MAP3K2: variants seen among roughly 807,000 people sequenced by gnomAD.
The protein encoded by MAP3K2 is MAP/ERK kinase kinase 2.
MAP3K2 carries 24 observed loss-of-function variants against 80.3 expected under a neutral mutation model. That is an observed-to-expected ratio of 0.30 (90% CI 0.22 to 0.42). The LOEUF (loss-of-function observed/expected upper bound fraction) is 0.42. Among genes scored for constraint, MAP3K2 ranks in the 10% least tolerant of loss-of-function variants. The probability of loss-of-function intolerance (pLI) is 1.00; values close to 1 mark genes in which losing one functional copy is unlikely to be tolerated. For missense variants in MAP3K2, 608 were observed against 750.1 expected, an observed-to-expected ratio of 0.81 and a Z score of 2.21; for synonymous variants, 244 against 253.7, an observed-to-expected ratio of 0.96 and a Z score of 0.36.
chr2:127,345,387 A>T (rs1266335789), intron 1 of MAP3K2, among the ~76,000 whole-genome samples: 1 of 152,244 alleles, frequency 6.6e-6, no homozygotes, highest in Non-Finnish European at 1.5e-5. Context: ...AATGCAAAAA[A>T]GTATAAAATT....
At position 127,339,161 on chromosome 2, in the gene MAP3K2, T is replaced by C; in HGVS notation, c.5-111A>G. The C allele has an allele frequency of 1.5e-6, 1 of 664,468 alleles. No homozygotes were observed. Among genetic ancestry groups the C allele is most frequent in the South Asian group, 2.2e-5 (1 of 45,332 alleles). 41.2% of individuals were successfully genotyped at this position (664,468 alleles called of 1,614,324 possible). On this transcript the variant is annotated intron_variant, in intron 2 of 16. Coordinates refer to ENST00000682094, the MANE Select transcript of MAP3K2 (RefSeq NM_001371910.2). The surrounding 1 kb of genome is among the most constrained non-coding windows in gnomAD (Gnocchi z 4.2). ...AATAAAATTTGATGTAGAGAATGTA[T>C]TAATGCAAAAATGCATCTAGAACAT...
At chr2:127,388,224 T>A, upstream of MAP3K2, 1 of 984,762 alleles carries the variant, frequency 1.0e-6, no homozygotes, top group Non-Finnish European at 1.2e-6. Flanking sequence ...CCTGTGCTGT[T>A]CCGTGTGCGC....
rs1686437171 is a variant in MAP3K2, at chr2:127,339,525, A to C, written c.5-475T>G. ...TACTTAAGAGTCAGAAACAAAGAAA[A>C]GCTTCACCTGTGGATACTGGCCTAC... On this transcript the variant is annotated intron_variant, in intron 2 of 16. Transcript: ENST00000682094. The surrounding 1 kb of genome is among the most constrained non-coding windows in gnomAD (Gnocchi z 4.2). Among the ~76,000 whole-genome samples, 1 of 152,212 alleles carries C rather than the reference A, an allele frequency of 6.6e-6. No homozygotes were observed. Among genetic ancestry groups the C allele is most frequent in the African/African-American group, 2.4e-5 (1 of 41,454 alleles).
At chr2:127,363,133 A>G (rs1205765380) in intron 1 of MAP3K2, among the ~76,000 whole-genome samples, 3 of 152,198 alleles carry the variant, frequency 2.0e-5, no homozygotes, top group Admixed American at 6.5e-5. Context: ...TCAATTTTAT[A>G]TAAGAGATGT....
intron 5 of MAP3K2, among the ~76,000 whole-genome samples, chr2:127,331,476 G>A (rs894968125): frequency 6.6e-6 from 1 of 152,184 alleles, no homozygotes; most frequent in African/African-American, 2.4e-5. Flanking sequence ...CACCAGCAAT[G>A]AGCAAAGAGC....
intron 1 of MAP3K2, among the ~76,000 whole-genome samples, chr2:127,345,230 C>A (rs4662580): frequency 0.38 from 57,229 of 151,952 alleles, 11,494 homozygotes; most frequent in East Asian, 0.62. Context: ...TCAAAACAGA[C>A]CTGCAGTGGC....
At chr2:127,353,598 G>A (rs879229045) in intron 1 of MAP3K2, among the ~76,000 whole-genome samples, 1 of 150,528 alleles carries the variant, frequency 6.6e-6, no homozygotes, top group Non-Finnish European at 1.5e-5. Flanking sequence ...CTGGCCAGCC[G>A]CCCCGTCCGG....
At chr2:127,341,041 G>C (rs565529959) in intron 2 of MAP3K2, among the ~76,000 whole-genome samples, 2 of 152,190 alleles carry the variant, frequency 1.3e-5, no homozygotes, top group East Asian at 1.9e-4. Flanking sequence ...CCAGGATGGA[G>C]TGCAGTGGCG....
At chr2:127,329,602 G>C (rs1489987459) in intron 7 of MAP3K2, among the ~76,000 whole-genome samples, 2 of 152,066 alleles carry the variant, frequency 1.3e-5, no homozygotes, top group Non-Finnish European at 2.9e-5. Context: ...TGATCTGCCC[G>C]CCTTGGCCTC....
chr2:127,349,523 T>C (rs557716367), intron 1 of MAP3K2, among the ~76,000 whole-genome samples: 1 of 152,226 alleles, frequency 6.6e-6, no homozygotes, highest in South Asian at 2.1e-4. Context: ...CTGTATTACC[T>C]CAGTTTTTAG....
At position 127,310,015 on chromosome 2, in the gene MAP3K2, G is replaced by A. The variant is rs1396585871; in HGVS notation, c.1457-1253C>T. On this transcript the variant is annotated intron_variant, in intron 15 of 16. Coordinates refer to ENST00000682094, the MANE Select transcript of MAP3K2 (RefSeq NM_001371910.2). This position sits in a 1 kb window ranked among gnomAD's most constrained non-coding sequence, Gnocchi z 4.8. ...AGCTACATAAATTATTTGGAGTTAT[G>A]CTGCAGAAGAGATTTGTCTCCCCTC... Among the ~76,000 whole-genome samples the A allele has an allele frequency of 6.6e-6, 1 of 152,142 alleles. No homozygotes were observed. Among genetic ancestry groups the A allele is most frequent in the East Asian group, 1.9e-4 (1 of 5,190 alleles).
chr2:127,348,372 A>G (rs1192918761), intron 1 of MAP3K2, among the ~76,000 whole-genome samples: 1 of 152,202 alleles, frequency 6.6e-6, no homozygotes, highest in African/African-American at 2.4e-5. Flanking sequence ...TGGACAACAG[A>G]GTGAGACTTC....
intron 15 of MAP3K2, among the ~76,000 whole-genome samples, chr2:127,311,366 A>T (rs1481851527): frequency 6.6e-6 from 1 of 152,186 alleles, no homozygotes; most frequent in African/African-American, 2.4e-5. Context: ...CTGATAGGGG[A>T]AGGAACAGTC....
chr2:127,305,428 C>T lies in MAP3K2; in HGVS notation c.*2151G>A, dbSNP rs1240761407. 1 of 152,140 alleles carries T rather than the reference C, an allele frequency of 6.6e-6. No homozygotes were observed. The highest frequency in any genetic ancestry group is 6.5e-5 in the Admixed American group (1 of 15,270). 9.4% of individuals were successfully genotyped at this position (152,140 alleles called of 1,614,324 possible). ...TTCAATTTTAAGAATATGAGAGAAG[C>T]GTTGACAATTAATTTTGTGCTTTGA... On this transcript the variant is annotated 3_prime_UTR_variant, in exon 17 of 17. Coordinates refer to ENST00000682094, the MANE Select transcript of MAP3K2 (RefSeq NM_001371910.2).
chr2:127,327,824 A>C (rs1686174617), intron 7 of MAP3K2, among the ~76,000 whole-genome samples: 1 of 152,248 alleles, frequency 6.6e-6, no homozygotes, highest in African/African-American at 2.4e-5. Context: ...CACTAATTCT[A>C]TACTTTATGA....
At chr2:127,319,673 A>AAAAAAAG (rs1558975361) in intron 12 of MAP3K2, among the ~76,000 whole-genome samples, 1 of 142,498 alleles carries the variant, frequency 7.0e-6, no homozygotes, top group African/African-American at 2.7e-5. Flanking sequence ...AAAAAAAAAA[A>AAAAAAAG]AAAAAGAAAA....
chr2:127,327,645 C>T (rs1480275871), intron 7 of MAP3K2, among the ~76,000 whole-genome samples: 1 of 151,862 alleles, frequency 6.6e-6, no homozygotes, highest in Non-Finnish European at 1.5e-5. Flanking sequence ...CCAACGCACT[C>T]TTGGTTGAGA....
chr2:127,366,127 G>C (rs1686966721), intron 1 of MAP3K2, among the ~76,000 whole-genome samples: 1 of 152,134 alleles, frequency 6.6e-6, no homozygotes, highest in Admixed American at 6.5e-5. Context: ...TTCCAAAAAA[G>C]TCGTATCTCA....
At chr2:127,352,747 G>A (rs547948543) in intron 1 of MAP3K2, among the ~76,000 whole-genome samples, 3 of 146,776 alleles carry the variant, frequency 2.0e-5, no homozygotes, top group South Asian at 2.3e-4. Context: ...CTCTGATGCC[G>A]AGCCGAAGCT....
Sources: gnomAD v4.1 joint callset for allele counts (sites outside exome capture counted in the v4.1 genomes callset) on GRCh38, gnomAD v4.1.1 for gene constraint, Gnocchi (gnomAD v3.1) non-coding constraint, MANE v1.5 for transcripts, NCBI Gene and HGNC (gene_info 2026-07-23, HGNC 2026-07-21) for gene names.